The following CNTNAP2 variants were observed in gnomAD, a reference collection of about 807,000 sequenced individuals.
CNTNAP2 encodes the protein contactin associated protein 2.
CNTNAP2 carries 98 observed loss-of-function variants against 155.2 expected under a neutral mutation model. The ratio of observed to expected loss-of-function variants is 0.63; its 90% CI spans 0.54 to 0.75. The LOEUF (loss-of-function observed/expected upper bound fraction) is 0.75. Among genes scored for constraint, CNTNAP2 ranks in the 30% least tolerant of loss-of-function variants. The pLI, the probability that CNTNAP2 is intolerant of heterozygous loss-of-function variation, is 0.00. For missense variants in CNTNAP2, 1,727 were observed against 1,688.1 expected (o/e 1.02, Z -0.40); for synonymous variants, 651 against 631.2 (o/e 1.03, Z -0.47).
At chr7:146,440,223 A>G (rs1796301391) in intron 1 of CNTNAP2, among the ~76,000 whole-genome samples, 2 of 151,716 alleles carry the variant, frequency 1.3e-5, no homozygotes, top group South Asian at 4.1e-4. Context: ...GGTTTTTGAA[A>G]ACATAGACTT....
intron 1 of CNTNAP2, among the ~76,000 whole-genome samples, chr7:146,272,784 G>A (rs1021556118): frequency 3.9e-5 from 6 of 152,134 alleles, no homozygotes; most frequent in Non-Finnish European, 7.3e-5. Context: ...TTGTAAACAA[G>A]TCTTCCTAGG....
At chr7:147,279,952 G>C (rs185740572) in intron 8 of CNTNAP2, among the ~76,000 whole-genome samples, 90 of 151,948 alleles carry the variant, frequency 5.9e-4, no homozygotes, top group Admixed American at 1.9e-3. Context: ...CATGAGATTT[G>C]TTCTTAAATT....
intron 8 of CNTNAP2, among the ~76,000 whole-genome samples, chr7:147,295,367 G>T (rs1805418264): frequency 6.6e-6 from 1 of 152,030 alleles, no homozygotes. Flanking sequence ...AATGTATTTT[G>T]TTGTGGTTCT....
intron 13 of CNTNAP2, among the ~76,000 whole-genome samples, chr7:147,754,744 T>C (rs1797191202): frequency 6.6e-6 from 1 of 152,142 alleles, no homozygotes; most frequent in South Asian, 2.1e-4. Context: ...AATAACTTGA[T>C]ATTTGAAGTT....
At chr7:147,555,843 A>G (rs955828301) in intron 11 of CNTNAP2, among the ~76,000 whole-genome samples, 2 of 152,216 alleles carry the variant, frequency 1.3e-5, no homozygotes, top group African/African-American at 2.4e-5. Flanking sequence ...CATCAGCGTC[A>G]TGGAACTCTA....
At chr7:148,103,931 T>C (rs1804154409) in intron 15 of CNTNAP2, among the ~76,000 whole-genome samples, 1 of 152,210 alleles carries the variant, frequency 6.6e-6, no homozygotes, top group Non-Finnish European at 1.5e-5. Flanking sequence ...TTGTTATTTT[T>C]CTATTATTAT....
At chr7:146,989,974 A>G (rs1035630540) in intron 3 of CNTNAP2, among the ~76,000 whole-genome samples, 1 of 152,060 alleles carries the variant, frequency 6.6e-6, no homozygotes, top group African/African-American at 2.4e-5. Context: ...GCTTATATGG[A>G]AATCAAATAT....
chr7:146,391,643 C>G (rs551333186), intron 1 of CNTNAP2, among the ~76,000 whole-genome samples: 1 of 152,172 alleles, frequency 6.6e-6, no homozygotes, highest in Non-Finnish European at 1.5e-5. Context: ...ACTATCAATT[C>G]ACTTCAACAA....
At chr7:147,476,802 C>T (rs1584757936) in intron 10 of CNTNAP2, among the ~76,000 whole-genome samples, 1 of 151,994 alleles carries the variant, frequency 6.6e-6, no homozygotes. Context: ...GTGGCAGGCA[C>T]CTGTAATCCC....
chr7:146,163,747 A>G (rs558215888), intron 1 of CNTNAP2, among the ~76,000 whole-genome samples: 13 of 151,752 alleles, frequency 8.6e-5, no homozygotes, highest in Admixed American at 6.6e-4. Flanking sequence ...AAAAAAAAAG[A>G]AAAAGAAAGG....
chr7:146,837,414 T>A lies in CNTNAP2; in HGVS notation c.209-2297T>A, dbSNP rs149989189. Among the ~76,000 whole-genome samples, 291 of 152,282 alleles carry A rather than the reference T, an allele frequency of 1.9e-3. 1 individual carries two copies. The highest frequency in any genetic ancestry group is 6.5e-3 in the African/African-American group (269 of 41,576). The stretch of plus-strand genomic sequence containing the variant: ...CTAAAATTTCCATTTTGTTCTCGTT[T>A]GTTGCTTTTCTCCTTCAACATTTTG... On this transcript the variant is annotated intron_variant, in intron 2 of 23. Transcript: ENST00000361727.
intron 21 of CNTNAP2, among the ~76,000 whole-genome samples, chr7:148,288,739 G>C (rs1282119095): frequency 6.6e-6 from 1 of 151,866 alleles, no homozygotes; most frequent in African/African-American, 2.4e-5. Context: ...AACATAGCCA[G>C]TTAATTTAAG....
At chr7:148,143,430 G>C (rs1166742904) in intron 16 of CNTNAP2, among the ~76,000 whole-genome samples, 2 of 152,198 alleles carry the variant, frequency 1.3e-5, no homozygotes, top group African/African-American at 4.8e-5. Context: ...TGTAATCCTA[G>C]CACACTGGGA....
chr7:148,323,594 A>G (rs1056454924), intron 21 of CNTNAP2, among the ~76,000 whole-genome samples: 2 of 151,888 alleles, frequency 1.3e-5, no homozygotes, highest in Non-Finnish European at 2.9e-5. Flanking sequence ...GAATCATCCC[A>G]TTACATCTAA....
intron 8 of CNTNAP2, among the ~76,000 whole-genome samples, chr7:147,249,500 C>T (rs1804139385): frequency 1.3e-5 from 2 of 148,892 alleles, no homozygotes; most frequent in Non-Finnish European, 3.0e-5. Flanking sequence ...GTGCTAACAC[C>T]TTTGAACACA....
chr7:147,109,535 A>C (rs1800832382), intron 5 of CNTNAP2, among the ~76,000 whole-genome samples: 1 of 152,166 alleles, frequency 6.6e-6, no homozygotes. Context: ...ATGGAGACTA[A>C]GTAATTGTGA....
intron 1 of CNTNAP2, among the ~76,000 whole-genome samples, chr7:146,662,198 C>T (rs1244040340): frequency 2.0e-5 from 3 of 151,878 alleles, no homozygotes; most frequent in Non-Finnish European, 2.9e-5. Flanking sequence ...AGTGCAATGG[C>T]ACGACCTGGG....
chr7:146,547,880 C>T (rs188530525), intron 1 of CNTNAP2, among the ~76,000 whole-genome samples: 2 of 150,230 alleles, frequency 1.3e-5, no homozygotes, highest in South Asian at 2.1e-4. Flanking sequence ...ATACGGTTTC[C>T]GTAGCAGCTG....
intron 2 of CNTNAP2, among the ~76,000 whole-genome samples, chr7:146,835,795 T>C (rs1468440056): frequency 1.3e-5 from 2 of 152,118 alleles, no homozygotes; most frequent in East Asian, 1.9e-4. Flanking sequence ...GAGAAAGGAA[T>C]GAAACAGAAA....
Sources: gnomAD v4.1 joint callset for allele counts (sites outside exome capture counted in the v4.1 genomes callset) on GRCh38, gnomAD v4.1.1 for gene constraint, MANE v1.5 for transcripts, NCBI Gene and HGNC (gene_info 2026-07-23, HGNC 2026-07-21) for gene names.